GARS1: variants seen among roughly 807,000 people sequenced by gnomAD.
GARS1 encodes the protein glycine--tRNA ligase.
In GARS1, 46 loss-of-function variants were observed where a neutral mutation model predicts 86.4. The observed-to-expected ratio is 0.53, with a 90% CI of 0.42 to 0.68. The LOEUF is 0.68. GARS1 is among the 30% of genes least tolerant of loss of function. The pLI, the probability that GARS1 is intolerant of heterozygous loss-of-function variation, is 0.00. For synonymous variants in GARS1, 342 were observed against 329.8 expected (o/e 1.04, Z -0.40); for missense variants, 797 against 915.6 (o/e 0.87, Z 1.67).
intron 13 of GARS1, among the ~76,000 whole-genome samples, chr7:30,626,718 T>C (rs1242699491): frequency 1.3e-5 from 2 of 152,182 alleles, no homozygotes; most frequent in Non-Finnish European, 2.9e-5. Context: ...CGTGGTGGCT[T>C]ACGCCTGTAA....
chr7:30,617,330 ACAGGTAC>A (rs1782909110), intron 10 of GARS1, 52 bp downstream of exon 10: 2 of 1,583,452 alleles, frequency 1.3e-6, no homozygotes, highest in South Asian at 1.1e-5. Context: ...ACTTAGAAGC[ACAGGTAC>A]CAAATGAATT....
At chr7:30,612,888 T>G (rs1358362459) in intron 8 of GARS1, among the ~76,000 whole-genome samples, 2 of 152,222 alleles carry the variant, frequency 1.3e-5, no homozygotes, top group Non-Finnish European at 2.9e-5. Flanking sequence ...CTTTAGAAAT[T>G]TATTATGACT....
intron 7 of GARS1, among the ~76,000 whole-genome samples, chr7:30,610,113 A>G (rs1791567867): frequency 1.3e-5 from 2 of 152,192 alleles, no homozygotes; most frequent in African/African-American, 4.8e-5. Context: ...CAGTGATGGA[A>G]ATGTTCTGTA....
In GARS1 at chr7:30,632,849, GTGAATCATGT is replaced by G. The variant is rs1485715619; in HGVS notation, c.2094+414_2094+423del. On this transcript the variant is annotated intron_variant, in intron 16 of 16. Coordinates refer to ENST00000389266, the MANE Select transcript of GARS1 (RefSeq NM_002047.4). This position sits in a 1 kb window ranked among gnomAD's most constrained non-coding sequence, Gnocchi z 4.1. ...TTTCCGTGTTCATATATTCAAAACA[GTGAATCATGT>G]TTCAGTAGTTTTGGTCAATAGGAAG... Among the ~76,000 whole-genome samples, 1 of 152,204 alleles carries G rather than the reference GTGAATCATGT, an allele frequency of 6.6e-6. No homozygotes were observed. Among genetic ancestry groups the G allele is most frequent in the Non-Finnish European group, 1.5e-5 (1 of 68,030 alleles).
Position 30,632,532 on chromosome 7 carries a change from C to T in GARS1, c.2094+95C>T. On this transcript the variant is annotated intron_variant, in intron 16 of 16. Coordinates refer to ENST00000389266, the MANE Select transcript of GARS1 (RefSeq NM_002047.4). The surrounding 1 kb of genome is among the most constrained non-coding windows in gnomAD (Gnocchi z 4.1). ...TTTTGATGTGTTTATGCTCCCTTTCCTTTTTTTTTCTTTTTAATTTTAATG... is the reference window on the plus strand; with the variant it reads ...TTTTGATGTGTTTATGCTCCCTTTCTTTTTTTTTTCTTTTTAATTTTAATG... 2 of 1,260,650 alleles carry T rather than the reference C, an allele frequency of 1.6e-6. No homozygotes were observed. Among genetic ancestry groups the T allele is most frequent in the Non-Finnish European group, 2.3e-6 (2 of 877,126 alleles). The allele number at this position is 1,260,650 out of a possible 1,614,324, so 78.1% of individuals were successfully genotyped here.
chr7:30,596,002 C>A, intron 1 of GARS1: 1 of 415,016 alleles, frequency 2.4e-6, no homozygotes. Flanking sequence ...TAGGGCACTG[C>A]CATAGAGTTT....
chr7:30,617,238 A>G lies in GARS1; in HGVS notation c.1319A>G (p.Tyr440Cys). The G allele has an allele frequency of 6.2e-7, 1 of 1,614,008 alleles. No homozygotes were observed. Among genetic ancestry groups the G allele is most frequent in the Non-Finnish European group, 8.5e-7 (1 of 1,179,872 alleles). Residue 440 changes from tyrosine to cysteine, a missense_variant, in exon 10 of 17, where the codon TAT becomes TGT. By Grantham distance (194) the Tyr-to-Cys change is radical (BLOSUM62 -2). Transcript: ENST00000389266. ...CACATGGAGAATGAGATGGCCCATT[A>G]TGCCTGTGACTGTTGGGATGCAGAA... Reference protein sequence around the residue: ...RQHMENEMAHYACDCWDAESK... With the variant: ...RQHMENEMAHCACDCWDAESK...
intron 16 of GARS1, among the ~76,000 whole-genome samples, chr7:30,633,193 T>C (rs1337659144): frequency 1.3e-5 from 2 of 152,232 alleles, no homozygotes; most frequent in Non-Finnish European, 2.9e-5. Flanking sequence ...GTGTGGTCCC[T>C]AGACCAGCAG....
At chr7:30,631,420 T>C (rs1783232386) in intron 14 of GARS1, 28 bp from the exon 15 acceptor site, 1 of 1,535,842 alleles carries the variant, frequency 6.5e-7, no homozygotes, top group Admixed American at 1.7e-5. Flanking sequence ...TTAACATATT[T>C]GGATTTTTTT....
In GARS1 at chr7:30,597,759, CA is replaced by C. The variant is rs566861656; in HGVS notation, c.223-1035del. On this transcript the variant is annotated intron_variant, in intron 1 of 16. Coordinates refer to ENST00000389266, the MANE Select transcript of GARS1 (RefSeq NM_002047.4). ...GCAAAGAACAAGAGACTACCAAAAA[CA>C]ATCACACAGTGTGAAAATGAAGCAC... 7.0e-3 allele frequency among the ~76,000 whole-genome samples: 1,068 copies of C among 152,280 alleles called. 7 individuals are homozygous for C. The highest frequency in any genetic ancestry group is 0.014 in the Middle Eastern group (4 of 294).
chr7:30,596,139 G>A (rs767268189), intron 1 of GARS1, among the ~76,000 whole-genome samples: 4 of 152,222 alleles, frequency 2.6e-5, no homozygotes, highest in Non-Finnish European at 4.4e-5. Flanking sequence ...GGTTTCTCCT[G>A]CATGGGCGCC....
intron 8 of GARS1, among the ~76,000 whole-genome samples, chr7:30,614,481 T>C (rs1339858248): frequency 6.6e-6 from 1 of 152,180 alleles, no homozygotes; most frequent in Admixed American, 6.5e-5. Context: ...TCTCTCACAT[T>C]TATATGGGCA....
In GARS1 at chr7:30,595,748, G is replaced by GAA. The variant is rs1584018463; in HGVS notation, c.222+606_222+607insAA. The GAA allele has an allele frequency of 1.5e-5, 7 of 471,052 alleles. No homozygotes were observed. The East Asian group carries it at 4.9e-4, about 33-fold the overall frequency. The allele number at this position is 471,052 out of a possible 1,614,324, so 29.2% of individuals were successfully genotyped here. On this transcript the variant is annotated intron_variant, in intron 1 of 16. Coordinates refer to ENST00000389266, the MANE Select transcript of GARS1 (RefSeq NM_002047.4). The stretch of plus-strand genomic sequence containing the variant: ...AATAGAATTGAAATGTGGATGTGGG[G>GAA]AGGTGTCGAACTTTTCTATTAATGC...
intron 4 of GARS1, among the ~76,000 whole-genome samples, chr7:30,602,040 C>T (rs1453728714): frequency 1.3e-5 from 2 of 149,566 alleles, no homozygotes; most frequent in Non-Finnish European, 3.0e-5. Flanking sequence ...CCTCGGCCTC[C>T]CAAAGTAGGG....
chr7:30,598,146 T>G (rs1319156702), intron 1 of GARS1, among the ~76,000 whole-genome samples: 1 of 152,092 alleles, frequency 6.6e-6, no homozygotes, highest in Non-Finnish European at 1.5e-5. Context: ...AAGAAGGTGG[T>G]CAATTTATTG....
chr7:30,607,016 C>T (rs1400092754), intron 6 of GARS1, among the ~76,000 whole-genome samples: 2 of 152,148 alleles, frequency 1.3e-5, no homozygotes, highest in African/African-American at 4.8e-5. Context: ...TTAACAGTCT[C>T]AGAATGACAA....
chr7:30,612,583 G>A (rs1302755749), intron 8 of GARS1, among the ~76,000 whole-genome samples: 1 of 138,796 alleles, frequency 7.2e-6, no homozygotes, highest in East Asian at 2.5e-4. Context: ...TGGCAATGGT[G>A]ATGTGTATAA....
chr7:30,611,082 G>A (rs1287028138), intron 7 of GARS1, among the ~76,000 whole-genome samples: 1 of 152,190 alleles, frequency 6.6e-6, no homozygotes, highest in Non-Finnish European at 1.5e-5. Context: ...TAGGCCATTG[G>A]GAGCGTTTCC....
rs759945541 is a variant in GARS1 at position 30,612,142 on chromosome 7, C to A, written c.928C>A (p.Arg310=). ...ACAGGGGATTTTCTTGAATTTCAAA[C>A]GACTTTTGGAGTTCAACCAAGGAAA... ...TAQGIFLNFK[R]LLEFNQGKLP... Residue 310 remains arginine, a synonymous_variant, in exon 8 of 17, where the codon CGA becomes AGA. Transcript: ENST00000389266. 1.2e-6 allele frequency: 2 copies of A among 1,613,944 alleles called. No homozygotes were observed. Among genetic ancestry groups the A allele is most frequent in the South Asian group, 2.2e-5 (2 of 91,078 alleles).
Sources: allele counts gnomAD v4.1 joint callset (sites outside exome capture counted in the v4.1 genomes callset), GRCh38; gene constraint gnomAD v4.1.1; non-coding constraint Gnocchi (gnomAD v3.1); transcripts MANE v1.5; gene names NCBI Gene and HGNC (gene_info 2026-07-23, HGNC 2026-07-21).